Variants in ANO1 observed in about 807,000 individuals in gnomAD.
The protein encoded by ANO1 is anoctamin-1.
In ANO1, 59 loss-of-function variants were observed where a neutral mutation model predicts 124.0. That is an observed-to-expected ratio of 0.48 (90% CI 0.39 to 0.59). The LOEUF is 0.59. Ranked by LOEUF, ANO1 falls within the 20% of genes least tolerant of loss-of-function variation. ANO1 has a pLI of 0.00. For synonymous variants in ANO1, 529 were observed against 532.0 expected (o/e 0.99, Z 0.08); for missense variants, 1,059 against 1,328.0 (o/e 0.80, Z 3.15).
At position 70,161,182 on chromosome 11, in the gene ANO1, G is replaced by A. The variant is rs2048028849; in HGVS notation, c.1600G>A (p.Val534Ile). ...IFMIAVTFAI[V>I]LGVIIYRISM... Reference sequence around the variant, plus strand: ...GCAGATTGCAGTGACGTTTGCCATCGTCCTCGGCGTCATCATCTACAGAAT... The same window carrying A: ...GCAGATTGCAGTGACGTTTGCCATCATCCTCGGCGTCATCATCTACAGAAT... Residue 534 changes from valine to isoleucine, a missense_variant, in exon 17 of 26, where the codon GTC (valine) becomes ATC (isoleucine). Physicochemically the swap from Val to Ile is conservative, Grantham distance 29. Coordinates refer to ENST00000355303, the MANE Select transcript of ANO1 (RefSeq NM_018043.7). 1.9e-6 allele frequency: 3 copies of A among 1,613,792 alleles called. No individual in the cohort carries two copies. Among genetic ancestry groups the A allele is most frequent in the Middle Eastern group, 1.7e-4 (1 of 6,060 alleles).
intron 8 of ANO1, 67 bp from the exon 9 acceptor site, chr11:70,124,283 T>C: frequency 1.4e-6 from 2 of 1,465,150 alleles, no homozygotes; most frequent in Middle Eastern, 1.7e-4. Context: ...TCCCCGCAGC[T>C]CTGCGTTCCG....
chr11:69,993,430 C>G (rs782777279), intron 1 of ANO1, among the ~76,000 whole-genome samples: 1 of 152,166 alleles, frequency 6.6e-6, no homozygotes, highest in Non-Finnish European at 1.5e-5. Context: ...CCTGGACCAT[C>G]AACAGCTGGA....
intron 1 of ANO1, among the ~76,000 whole-genome samples, chr11:70,014,501 C>T (rs782516137): frequency 2.0e-5 from 3 of 152,126 alleles, no homozygotes; most frequent in Admixed American, 6.5e-5. Flanking sequence ...CCGTCACTGC[C>T]GAGTCCTCTT....
At position 70,108,258 on chromosome 11, in the gene ANO1, C is replaced by T. The variant is rs536760199; in HGVS notation, c.748-95C>T. 233 of 1,264,638 alleles carry T rather than the reference C, an allele frequency of 1.8e-4. 1 individual carries two copies. The African/African-American group carries it at 2.6e-3, about 14-fold the overall frequency. The allele number at this position is 1,264,638 out of a possible 1,614,324, so 78.3% of individuals were successfully genotyped here. On this transcript the variant is annotated intron_variant, in intron 5 of 25. Transcript: ENST00000355303. ...GCACCAAGGAGGTCTTCATGCGTAA[C>T]GTGTGACCAGGTCCTCTCCAGCCAC...
Position 70,095,380 on chromosome 11 carries a change from AAG to A in ANO1, c.441+7298_441+7299del, listed in dbSNP as rs1215378903. Among the ~76,000 whole-genome samples, 6 of 34,472 alleles carry A rather than the reference AAG, an allele frequency of 1.7e-4. 1 individual carries two copies. The South Asian group carries it at 5.5e-3, about 32-fold the overall frequency. The allele number at this position is 34,472 out of a possible 152,430, so 22.6% of individuals were successfully genotyped here. A position where few individuals can be genotyped will look rare whatever the true frequency, so the allele number is the denominator to read the frequency against. On this transcript the variant is annotated intron_variant, in intron 2 of 25. Coordinates refer to ENST00000355303, the MANE Select transcript of ANO1 (RefSeq NM_018043.7). ...AAAGAAAGAAAGAAAGAAAGAAAGA[AAG>A]AAAGAAAGAAAGAAAGAAAGAAAGA... is the stretch of plus-strand genomic sequence containing the variant.
At chr11:70,178,332 G>T (rs1218706190) in intron 22 of ANO1, among the ~76,000 whole-genome samples, 1 of 152,166 alleles carries the variant, frequency 6.6e-6, no homozygotes, top group Non-Finnish European at 1.5e-5. Context: ...GCATGGGGTG[G>T]CCTTAGGGCT....
chr11:70,148,095 C>G (rs908230225), intron 11 of ANO1, among the ~76,000 whole-genome samples: 5 of 152,216 alleles, frequency 3.3e-5, no homozygotes, highest in African/African-American at 1.2e-4. Flanking sequence ...GACTCACGAC[C>G]TCTGAACCAG....
chr11:70,149,603 T>C (rs2047517102), intron 11 of ANO1, 107 bp from the exon 12 acceptor site: 1 of 1,161,692 alleles, frequency 8.6e-7, no homozygotes, highest in Admixed American at 2.2e-5. Flanking sequence ...TGGGTGGAGA[T>C]TGCGCCATTG....
At chr11:70,017,904 C>G (rs527971606) in intron 1 of ANO1, among the ~76,000 whole-genome samples, 1 of 152,198 alleles carries the variant, frequency 6.6e-6, no homozygotes, top group South Asian at 2.1e-4. Context: ...TCTAGCTACC[C>G]CCTGCCTGCA....
chr11:70,026,789 T>C (rs116308794), intron 1 of ANO1, among the ~76,000 whole-genome samples: 4 of 152,102 alleles, frequency 2.6e-5, no homozygotes, highest in Non-Finnish European at 5.9e-5. Context: ...AGCTCTCGAC[T>C]CTCCAAAGGC....
rs929310822 is a variant in ANO1 at position 70,085,664 on chromosome 11, A to T, written c.109-2088A>T. 8 of 1,486,828 alleles carry T rather than the reference A, an allele frequency of 5.4e-6. No individual in the cohort carries two copies. The African/African-American group carries it at 9.8e-5, about 18-fold the overall frequency. 92.1% of individuals were successfully genotyped at this position (1,486,828 alleles called of 1,614,324 possible). Reference sequence around the variant, plus strand: ...GTCTAGACCCTTGACATCAACACCTATGAAAGGTGGGGCAGCCCCCAACCA... The same window carrying T: ...GTCTAGACCCTTGACATCAACACCTTTGAAAGGTGGGGCAGCCCCCAACCA... On this transcript the variant is annotated intron_variant, in intron 1 of 25. Transcript: ENST00000355303.
chr11:70,097,915 G>A (rs980809350), intron 2 of ANO1, among the ~76,000 whole-genome samples: 2 of 152,184 alleles, frequency 1.3e-5, no homozygotes, highest in South Asian at 2.1e-4. Context: ...GCTCCTATCC[G>A]TGCTGGAAGC....
Position 70,163,230 on chromosome 11 carries a change from C to G in ANO1, c.1893-53C>G, listed in dbSNP as rs79628387. 3.8e-6 allele frequency: 6 copies of G among 1,586,614 alleles called. No individual in the cohort carries two copies. In the Admixed American group the frequency reaches 8.6e-5, roughly 23 times the overall value. ...CAGTCCCCACTTGGGGGTCTCTCCC[C>G]GAGCTGAGCCAGGGGCTCATCTTTT... On this transcript the variant is annotated intron_variant, in intron 18 of 25. Transcript: ENST00000355303.
intron 8 of ANO1, among the ~76,000 whole-genome samples, chr11:70,121,090 A>G (rs2046243675): frequency 6.6e-6 from 1 of 152,118 alleles, no homozygotes; most frequent in South Asian, 2.1e-4. Flanking sequence ...CGTCTGTCAG[A>G]AGGTGGTGGG....
intron 5 of ANO1, among the ~76,000 whole-genome samples, chr11:70,107,733 C>G (rs775845145): frequency 9.2e-5 from 14 of 152,094 alleles, no homozygotes; most frequent in Non-Finnish European, 1.9e-4. Flanking sequence ...GACAGACTCC[C>G]AAGCCGGAGC....
intron 4 of ANO1, among the ~76,000 whole-genome samples, chr11:70,104,694 G>A (rs1565204100): frequency 6.6e-6 from 1 of 152,228 alleles, no homozygotes; most frequent in Non-Finnish European, 1.5e-5. Flanking sequence ...TGACTGCAAG[G>A]CCTCTGCTGG....
At chr11:70,016,030 T>C (rs1555001903) in intron 1 of ANO1, among the ~76,000 whole-genome samples, 1 of 151,830 alleles carries the variant, frequency 6.6e-6, no homozygotes, top group African/African-American at 2.4e-5. Context: ...CTTTCTTTTT[T>C]TTTTTCTTTT....
chr11:70,119,445 A>T (rs1035316810), intron 8 of ANO1, among the ~76,000 whole-genome samples: 2 of 144,974 alleles, frequency 1.4e-5, no homozygotes, highest in African/African-American at 5.2e-5. Context: ...ATAATTAATG[A>T]TGGATGGATG....
chr11:70,031,125 C>T (rs1485568518), intron 1 of ANO1, among the ~76,000 whole-genome samples: 1 of 152,034 alleles, frequency 6.6e-6, no homozygotes, highest in Non-Finnish European at 1.5e-5. Flanking sequence ...TTGCGTTTTT[C>T]GTAGAGATGG....
Sources: allele counts gnomAD v4.1 joint callset (sites outside exome capture counted in the v4.1 genomes callset), GRCh38; gene constraint gnomAD v4.1.1; transcripts MANE v1.5; gene names NCBI Gene and HGNC (gene_info 2026-07-23, HGNC 2026-07-21).